Variants in ELMOD3 observed in about 807,000 individuals in gnomAD.
ELMOD3 encodes the protein ELMO domain containing 3, also known as ELMO domain-containing protein 3.
ELMOD3 carries 36 observed loss-of-function variants against 47.4 expected under a neutral mutation model. The ratio of observed to expected loss-of-function variants is 0.76; its 90% CI spans 0.58 to 1.00. The LOEUF is 1.00. Ranked by LOEUF, ELMOD3 falls within the 50% of genes least tolerant of loss-of-function variation. The pLI is 0.00. For missense variants in ELMOD3, 404 were observed against 463.8 expected (o/e 0.87, Z 1.18); for synonymous variants, 149 against 183.5 (o/e 0.81, Z 1.52).
At chr2:85,380,874 A>G (rs1312292827) in intron 11 of ELMOD3, among the ~76,000 whole-genome samples, 1 of 152,182 alleles carries the variant, frequency 6.6e-6, no homozygotes, top group African/African-American at 2.4e-5. Context: ...AAACAACACA[A>G]CAATTGTCTG....
At chr2:85,382,883 C>T (rs780611422) in intron 11 of ELMOD3, among the ~76,000 whole-genome samples, 2 of 149,628 alleles carry the variant, frequency 1.3e-5, no homozygotes, top group Non-Finnish European at 3.0e-5. Context: ...CAAGACAATT[C>T]AGTTACTTAT....
intron 11 of ELMOD3, among the ~76,000 whole-genome samples, chr2:85,385,146 G>C (rs114904756): frequency 6.6e-6 from 1 of 152,156 alleles, no homozygotes; most frequent in African/African-American, 2.4e-5. Flanking sequence ...TCTGGGAGAA[G>C]AACATACCAG....
intron 11 of ELMOD3, chr2:85,387,218 A>G: frequency 8.4e-7 from 1 of 1,185,976 alleles, no homozygotes; most frequent in Non-Finnish European, 1.1e-6. Flanking sequence ...TCAGCTACCC[A>G]TGTTGAGGCA....
At chr2:85,366,677 A>G (rs1442506508) in intron 6 of ELMOD3, among the ~76,000 whole-genome samples, 2 of 152,264 alleles carry the variant, frequency 1.3e-5, no homozygotes, top group Non-Finnish European at 2.9e-5. Context: ...ATTCACAAGT[A>G]GTTTGGCTCT....
chr2:85,354,864 T>C (rs902671780), intron 1 of ELMOD3, 35 bp downstream of exon 1: 1 of 197,428 alleles, frequency 5.1e-6, no homozygotes, highest in Non-Finnish European at 1.1e-5. Context: ...AGGGGAGTGG[T>C]TGGTGCCTGT....
intron 4 of ELMOD3, 28 bp downstream of exon 4, chr2:85,357,280 G>A (rs1683630410): frequency 1.3e-6 from 2 of 1,507,132 alleles, no homozygotes; most frequent in Non-Finnish European, 1.8e-6. Context: ...TTTGGGAAAG[G>A]TGGTGTTGGT....
intron 11 of ELMOD3, chr2:85,389,455 A>G: frequency 2.2e-6 from 1 of 450,182 alleles, no homozygotes; most frequent in Non-Finnish European, 4.0e-6. Context: ...CTGACGGGTC[A>G]GGATGATGAA....
chr2:85,358,096 A>G (rs1683688180), intron 4 of ELMOD3, among the ~76,000 whole-genome samples: 2 of 152,168 alleles, frequency 1.3e-5, no homozygotes, highest in African/African-American at 4.8e-5. Flanking sequence ...CCTGGCTAAC[A>G]TGATGAAACC....
intron 5 of ELMOD3, 109 bp downstream of exon 5, chr2:85,362,369 T>G: frequency 1.3e-6 from 1 of 760,836 alleles, no homozygotes; most frequent in East Asian, 2.5e-5. Context: ...GCATAGACCT[T>G]AGCTTCCAAG....
chr2:85,363,180 C>T lies in ELMOD3; in HGVS notation c.199+14C>T. ...GGGAGCCACGTGGTAAGGTTCCCTT[C>T]AGGGCCCTTGGAGTCTGGGTGGGAC... On this transcript the variant is annotated intron_variant, in intron 6 of 13. Transcript: ENST00000409013. 2.6e-6 allele frequency: 4 copies of T among 1,566,960 alleles called. No individual in the cohort carries two copies. Among genetic ancestry groups the T allele is most frequent in the Non-Finnish European group, 3.5e-6 (4 of 1,137,772 alleles).
intron 5 of ELMOD3, 96 bp downstream of exon 5, chr2:85,362,356 G>A: frequency 2.4e-6 from 2 of 833,814 alleles, no homozygotes; most frequent in South Asian, 1.4e-5. Flanking sequence ...GGACACAAGG[G>A]TGGCATAGAC....
chr2:85,373,855 G>T (rs1684975685), intron 10 of ELMOD3, among the ~76,000 whole-genome samples: 4 of 140,170 alleles, frequency 2.9e-5, no homozygotes, highest in Admixed American at 1.4e-4. Context: ...AAAAAAAAAA[G>T]ATAAGAAAAA....
Position 85,382,437 on chromosome 2 carries a change from C to CA in ELMOD3, c.738+4978dup, listed in dbSNP as rs1227882947. 8.7e-3 allele frequency among the ~76,000 whole-genome samples: 708 copies of CA among 81,654 alleles called. 5 individuals are homozygous for CA. The highest frequency in any genetic ancestry group is 0.017 in the African/African-American group (400 of 23,772). The allele number at this position is 81,654 out of a possible 152,430, so 53.6% of individuals were successfully genotyped here. On this transcript the variant is annotated intron_variant, in intron 11 of 13. Transcript: ENST00000409013. ...TGGGCAACAGAGCGAGATTCTGTCTCAAAAAAAAAAAAAAACATTTGGCAG... is the reference window on the plus strand; with the variant it reads ...TGGGCAACAGAGCGAGATTCTGTCTCAAAAAAAAAAAAAAAACATTTGGCAG...
At chr2:85,355,420 G>T (rs185425265) in intron 2 of ELMOD3, 135 bp from the exon 3 acceptor site, 55 of 152,324 alleles carry the variant, frequency 3.6e-4, no homozygotes, top group African/African-American at 1.2e-3. Flanking sequence ...CCTAAAGAGG[G>T]TGCATAATGA....
At chr2:85,375,787 A>G (rs373756934) in intron 10 of ELMOD3, among the ~76,000 whole-genome samples, 4 of 152,356 alleles carry the variant, frequency 2.6e-5, no homozygotes, top group East Asian at 1.9e-4. Context: ...AGGTGTTGGC[A>G]GCACAGTGTT....
intron 10 of ELMOD3, 102 bp downstream of exon 10, chr2:85,371,664 T>C (rs976446916): frequency 2.0e-6 from 3 of 1,513,404 alleles, no homozygotes; most frequent in Non-Finnish European, 2.7e-6. Flanking sequence ...GGGGAAGATC[T>C]TGGGGGAGTA....
intron 11 of ELMOD3, among the ~76,000 whole-genome samples, chr2:85,386,472 C>T (rs2104726283): frequency 6.7e-6 from 1 of 150,192 alleles, no homozygotes; most frequent in South Asian, 2.1e-4. Flanking sequence ...GCAACCTCTG[C>T]CTCCTGAGTT....
intron 11 of ELMOD3, 62 bp from the exon 12 acceptor site, chr2:85,389,689 C>T (rs537103903): frequency 3.5e-6 from 5 of 1,430,780 alleles, no homozygotes; most frequent in Non-Finnish European, 3.9e-6. Flanking sequence ...CACCAGGCTG[C>T]AGATGACAGG....
At chr2:85,361,112 C>T (rs1188566226) in intron 4 of ELMOD3, among the ~76,000 whole-genome samples, 1 of 152,166 alleles carries the variant, frequency 6.6e-6, no homozygotes, top group Non-Finnish European at 1.5e-5. Context: ...AGCCACCACA[C>T]CTGGTGATTT....
Sources: gnomAD v4.1 joint callset for allele counts (sites outside exome capture counted in the v4.1 genomes callset) on GRCh38, gnomAD v4.1.1 for gene constraint, MANE v1.5 for transcripts, NCBI Gene and HGNC (gene_info 2026-07-23, HGNC 2026-07-21) for gene names.